The following CDH13 variants were observed in gnomAD, a reference collection of about 807,000 sequenced individuals.
CDH13 encodes cadherin 13.
Under a neutral mutation model 63.8 loss-of-function variants are expected in CDH13, and 24 were observed. The ratio of observed to expected loss-of-function variants is 0.38; its 90% CI spans 0.27 to 0.53. The LOEUF is 0.53. Among genes scored for constraint, CDH13 ranks in the 20% least tolerant of loss-of-function variants. The pLI is 0.85. For missense variants in CDH13, 1,049 were observed against 903.1 expected, an observed-to-expected ratio of 1.16 and a Z score of -2.07; for synonymous variants, 503 against 355.3, an observed-to-expected ratio of 1.42 and a Z score of -4.67.
Position 83,111,495 on chromosome 16 carries a change from T to C in CDH13, c.367-13890T>C, listed in dbSNP as rs2035057382. Among the ~76,000 whole-genome samples, 7 of 152,320 alleles carry C rather than the reference T, an allele frequency of 4.6e-5. No homozygotes were observed. In the South Asian group the frequency reaches 1.5e-3, roughly 32 times the overall value. The stretch of plus-strand genomic sequence containing the variant: ...CATGATGTGTCTGAGGATTTGCAAG[T>C]CGATCATGAGGTTGCAGCATACATC... On this transcript the variant is annotated intron_variant, in intron 3 of 13. Coordinates refer to ENST00000567109, the MANE Select transcript of CDH13 (RefSeq NM_001257.5).
intron 2 of CDH13, among the ~76,000 whole-genome samples, chr16:83,026,812 C>A (rs1005961423): frequency 6.6e-6 from 1 of 152,154 alleles, no homozygotes; most frequent in Non-Finnish European, 1.5e-5. Flanking sequence ...AATGCACACA[C>A]TGATTCCAAC....
At position 83,033,901 on chromosome 16, in the gene CDH13, T is replaced by C. The variant is rs191157762; in HGVS notation, c.366+1683T>C. ...TACCTGCGAGCTTGGTCTTCCTCGA[T>C]TTTTCACAGCCCCTAATTCACATCC... On this transcript the variant is annotated intron_variant, in intron 3 of 13. Transcript: ENST00000567109. 1.9e-3 allele frequency among the ~76,000 whole-genome samples: 291 copies of C among 152,266 alleles called. 1 individual carries two copies. Among genetic ancestry groups the C allele is most frequent in the Middle Eastern group, 0.017 (5 of 294 alleles).
chr16:82,792,235 C>T (rs568703123), intron 1 of CDH13, among the ~76,000 whole-genome samples: 2 of 152,224 alleles, frequency 1.3e-5, no homozygotes, highest in East Asian at 1.9e-4. Flanking sequence ...ATTCCTGCCG[C>T]GTGGGCTGAA....
intron 2 of CDH13, among the ~76,000 whole-genome samples, chr16:82,918,047 A>T (rs796453872): frequency 9.2e-5 from 14 of 152,320 alleles, no homozygotes; most frequent in African/African-American, 3.1e-4. Context: ...CAAAGATCAC[A>T]AAAAGAGGTT....
chr16:83,053,712 A>C (rs1322355978), intron 3 of CDH13, among the ~76,000 whole-genome samples: 2 of 152,204 alleles, frequency 1.3e-5, no homozygotes, highest in Non-Finnish European at 2.9e-5. Context: ...TTAAGGAGAG[A>C]AGTATCGCTA....
chr16:83,134,526 T>C (rs1310857795), intron 4 of CDH13, among the ~76,000 whole-genome samples: 2 of 137,658 alleles, frequency 1.5e-5, no homozygotes, highest in Non-Finnish European at 3.1e-5. Flanking sequence ...ATGGATTTTA[T>C]GTGGGGATGG....
chr16:83,348,386 G>A (rs1218875168), intron 6 of CDH13, among the ~76,000 whole-genome samples: 1 of 152,178 alleles, frequency 6.6e-6, no homozygotes, highest in East Asian at 1.9e-4. Flanking sequence ...CACCTCTAGG[G>A]TTCAACGGTG....
rs781265131 is a variant in CDH13 at position 83,125,441 on chromosome 16, G to A, written c.423G>A (p.Val141=). 53 of 1,612,292 alleles carry A rather than the reference G, an allele frequency of 3.3e-5. No homozygotes were observed. Among genetic ancestry groups the A allele is most frequent in the Middle Eastern group, 1.6e-4 (1 of 6,080 alleles). Residue 141 remains valine (V), a synonymous_variant, in exon 4 of 14, where the codon GTG becomes GTA. Transcript: ENST00000567109. The part of the protein sequence containing the change: ...SPVPRQKRSI[V]VSPILIPENQ... ...TCCCAAGACAAAAGAGGTCCATTGT[G>A]GTATCTCCCATTTTAATTCCAGAGA... is the stretch of plus-strand genomic sequence containing the variant.
chr16:83,337,134 C>G (rs1030130192), intron 5 of CDH13, among the ~76,000 whole-genome samples: 1 of 152,154 alleles, frequency 6.6e-6, no homozygotes, highest in Non-Finnish European at 1.5e-5. Context: ...TTACGTACAG[C>G]CAATTCCTAT....
intron 1 of CDH13, among the ~76,000 whole-genome samples, chr16:82,848,053 G>A (rs545860184): frequency 1.2e-4 from 18 of 152,300 alleles, no homozygotes; most frequent in African/African-American, 3.9e-4. Context: ...AGATTAAATA[G>A]TCTTTGGTAT....
intron 10 of CDH13, among the ~76,000 whole-genome samples, chr16:83,736,467 A>T (rs1442063123): frequency 6.6e-6 from 1 of 152,126 alleles, no homozygotes; most frequent in South Asian, 2.1e-4. Context: ...CTTTGTCTGT[A>T]TTTCTCTGTA....
intron 3 of CDH13, among the ~76,000 whole-genome samples, chr16:83,103,647 C>G (rs554809269): frequency 1.3e-5 from 2 of 152,300 alleles, no homozygotes; most frequent in South Asian, 4.1e-4. Context: ...CAAATGCTGG[C>G]TTCTCTAACT....
intron 6 of CDH13, among the ~76,000 whole-genome samples, chr16:83,460,538 A>C (rs760585491): frequency 2.0e-5 from 3 of 152,186 alleles, no homozygotes; most frequent in Admixed American, 6.5e-5. Context: ...TGCAGCAAGG[A>C]TGGTGGATCT....
intron 1 of CDH13, among the ~76,000 whole-genome samples, chr16:82,766,687 A>G (rs886550792): frequency 2.0e-5 from 3 of 152,174 alleles, no homozygotes. Flanking sequence ...TCATTATCCA[A>G]TATATTCCTT....
chr16:82,768,881 A>C (rs184134431), intron 1 of CDH13, among the ~76,000 whole-genome samples: 149 of 152,246 alleles, frequency 9.8e-4, no homozygotes, highest in Non-Finnish European at 1.7e-3. Context: ...TCACACCTTT[A>C]ATATTTTGTA....
chr16:83,339,139 G>A (rs538832503), intron 5 of CDH13, among the ~76,000 whole-genome samples: 176 of 152,224 alleles, frequency 1.2e-3, no homozygotes, highest in African/African-American at 4.0e-3. Context: ...GGGACATTCA[G>A]GAAGTGAAAC....
intron 1 of CDH13, among the ~76,000 whole-genome samples, chr16:82,806,942 C>A (rs576514078): frequency 6.6e-6 from 1 of 152,144 alleles, no homozygotes; most frequent in Non-Finnish European, 1.5e-5. Flanking sequence ...GTGGGCATAG[C>A]AGTCATCATT....
intron 3 of CDH13, among the ~76,000 whole-genome samples, chr16:83,098,613 C>G (rs1012225090): frequency 3.3e-5 from 5 of 152,116 alleles, no homozygotes; most frequent in African/African-American, 1.2e-4. Flanking sequence ...TGGGAGATAT[C>G]TTCACTGGAT....
At chr16:83,518,483 T>G (rs1487297991) in intron 7 of CDH13, among the ~76,000 whole-genome samples, 1 of 141,752 alleles carries the variant, frequency 7.1e-6, no homozygotes, top group African/African-American at 2.6e-5. Flanking sequence ...TGTTTTTTGT[T>G]TTTTTTTGAG....
Sources: gnomAD v4.1 joint callset for allele counts (sites outside exome capture counted in the v4.1 genomes callset) on GRCh38, gnomAD v4.1.1 for gene constraint, MANE v1.5 for transcripts, NCBI Gene and HGNC (gene_info 2026-07-23, HGNC 2026-07-21) for gene names.